SPOCK3: variants seen among roughly 807,000 people sequenced by gnomAD.
The protein encoded by SPOCK3 is testican-3.
Under a neutral mutation model 56.6 loss-of-function variants are expected in SPOCK3, and 30 were observed. That is an observed-to-expected ratio of 0.53 (90% CI 0.40 to 0.72). The LOEUF (loss-of-function observed/expected upper bound fraction) is 0.72. Ranked by LOEUF, SPOCK3 falls within the 30% of genes least tolerant of loss-of-function variation. SPOCK3 has a pLI of 0.00. For synonymous variants in SPOCK3, 196 were observed against 183.3 expected, an observed-to-expected ratio of 1.07 and a Z score of -0.56; for missense variants, 527 against 530.0, an observed-to-expected ratio of 0.99 and a Z score of 0.06.
At position 166,820,143 on chromosome 4, in the gene SPOCK3, T is replaced by A. The variant is rs984004027; in HGVS notation, c.590-27854A>T. ...CAAGCAAGTTGACTAATTAAAACAG[T>A]GAACAGCATACTGACTATAGTTAAT... is the stretch of plus-strand genomic sequence containing the variant. On this transcript the variant is annotated intron_variant, in intron 6 of 10. Coordinates refer to ENST00000357545, the MANE Select transcript of SPOCK3 (RefSeq NM_001040159.2). Among the ~76,000 whole-genome samples the A allele has an allele frequency of 3.9e-5, 6 of 152,050 alleles. No homozygotes were observed. The South Asian group carries it at 1.0e-3, about 26-fold the overall frequency.
At chr4:166,891,790 C>T (rs1232741459) in intron 5 of SPOCK3, among the ~76,000 whole-genome samples, 1 of 151,902 alleles carries the variant, frequency 6.6e-6, no homozygotes, top group East Asian at 1.9e-4. Context: ...TATAATAATT[C>T]TGATTCATGA....
At chr4:167,030,163 C>T (rs190341897) in intron 3 of SPOCK3, among the ~76,000 whole-genome samples, 544 of 151,384 alleles carry the variant, frequency 3.6e-3, no homozygotes, top group Admixed American at 5.6e-3. Context: ...AACTATCCAT[C>T]CATCTAGAAA....
intron 7 of SPOCK3, among the ~76,000 whole-genome samples, chr4:166,775,733 C>G (rs144782687): frequency 0.012 from 1,857 of 152,250 alleles, 17 homozygotes; most frequent in Non-Finnish European, 0.019. Flanking sequence ...TGAAAAAGGT[C>G]TATTCACTGT....
chr4:166,800,208 G>GAAAAAAAAAAAAAAAAAAAAAAAAAAAA (rs1207796263), intron 6 of SPOCK3, among the ~76,000 whole-genome samples: 37 of 113,014 alleles, frequency 3.3e-4, no homozygotes, highest in African/African-American at 1.1e-3. Flanking sequence ...AAAAAAAAAT[G>GAAAAAAAAAAAAAAAAAAAAAAAAAAAA]AAAACATGGA....
intron 2 of SPOCK3, among the ~76,000 whole-genome samples, chr4:167,218,656 T>C (rs1299844972): frequency 6.6e-6 from 1 of 152,156 alleles, no homozygotes; most frequent in African/African-American, 2.4e-5. Flanking sequence ...GGATATTTTT[T>C]CCTATCTTGA....
intron 2 of SPOCK3, among the ~76,000 whole-genome samples, chr4:167,199,608 G>A (rs1218267949): frequency 6.6e-6 from 1 of 151,456 alleles, no homozygotes; most frequent in Admixed American, 6.6e-5. Context: ...TCTCACAGAT[G>A]TTTGCAAGAA....
At chr4:166,783,221 T>C (rs956817132) in intron 7 of SPOCK3, among the ~76,000 whole-genome samples, 7 of 152,070 alleles carry the variant, frequency 4.6e-5, no homozygotes, top group African/African-American at 1.7e-4. Flanking sequence ...TAGCCAGGCA[T>C]GGTGGCACAT....
At chr4:166,828,989 T>A (rs1745755556) in intron 6 of SPOCK3, among the ~76,000 whole-genome samples, 1 of 152,008 alleles carries the variant, frequency 6.6e-6, no homozygotes, top group Non-Finnish European at 1.5e-5. Context: ...TCTGAAATAT[T>A]GAAAATCTTC....
chr4:167,188,987 T>C lies in SPOCK3; in HGVS notation c.189+44998A>G, dbSNP rs995944896. On this transcript the variant is annotated intron_variant, in intron 2 of 10. Transcript: ENST00000357545. ...TCACAGAGAAAACTCCAGGCTTCAC[T>C]GTTGAAGTCCGTCAAACATTTCAGA... Among the ~76,000 whole-genome samples the C allele has an allele frequency of 7.5e-5, 11 of 146,492 alleles. 2 individuals are homozygous for C. In the East Asian group the frequency reaches 2.3e-3, roughly 30 times the overall value.
chr4:167,209,621 C>T (rs547710846), intron 2 of SPOCK3, among the ~76,000 whole-genome samples: 8 of 152,128 alleles, frequency 5.3e-5, no homozygotes, highest in South Asian at 4.1e-4. Context: ...CATTTTCTCA[C>T]TTAAATAGCC....
intron 3 of SPOCK3, among the ~76,000 whole-genome samples, chr4:167,019,533 T>A (rs1371062009): frequency 6.6e-6 from 1 of 151,748 alleles, no homozygotes; most frequent in Non-Finnish European, 1.5e-5. Context: ...ATATTTTACA[T>A]GTTACTTGTT....
intron 3 of SPOCK3, among the ~76,000 whole-genome samples, chr4:167,045,744 T>C (rs1753655233): frequency 6.6e-6 from 1 of 152,122 alleles, no homozygotes; most frequent in African/African-American, 2.4e-5. Context: ...CTGTCATTCA[T>C]TTCATCTATA....
chr4:166,801,219 T>A (rs1281744752), intron 6 of SPOCK3, among the ~76,000 whole-genome samples: 1 of 152,080 alleles, frequency 6.6e-6, no homozygotes, highest in Non-Finnish European at 1.5e-5. Context: ...AACATGGGGG[T>A]ATCAGCTTCT....
At chr4:167,207,321 A>T (rs943964358) in intron 2 of SPOCK3, among the ~76,000 whole-genome samples, 18 of 151,980 alleles carry the variant, frequency 1.2e-4, no homozygotes, top group African/African-American at 4.1e-4. Context: ...CAATACTACG[A>T]CTCTCAGAGT....
chr4:167,013,543 A>C (rs2150148984), intron 3 of SPOCK3, among the ~76,000 whole-genome samples: 1 of 151,248 alleles, frequency 6.6e-6, no homozygotes, highest in East Asian at 1.9e-4. Flanking sequence ...TTGTATTATA[A>C]AATATTATCA....
At chr4:167,185,949 A>G (rs1731913535) in intron 2 of SPOCK3, among the ~76,000 whole-genome samples, 1 of 152,210 alleles carries the variant, frequency 6.6e-6, no homozygotes, top group East Asian at 1.9e-4. Flanking sequence ...ACTATTTCCA[A>G]ACTGCATATG....
chr4:166,882,451 G>C (rs755176951), intron 6 of SPOCK3, among the ~76,000 whole-genome samples: 2 of 152,144 alleles, frequency 1.3e-5, no homozygotes, highest in Non-Finnish European at 2.9e-5. Flanking sequence ...GTTCAAACCT[G>C]TTAAATATTT....
chr4:167,005,519 A>G (rs568849388), intron 3 of SPOCK3, among the ~76,000 whole-genome samples: 31 of 152,056 alleles, frequency 2.0e-4, no homozygotes, highest in African/African-American at 6.8e-4. Context: ...AGACTGGACA[A>G]TGATTTTCTT....
chr4:166,821,333 C>T (rs1008920354), intron 6 of SPOCK3, among the ~76,000 whole-genome samples: 8 of 152,026 alleles, frequency 5.3e-5, no homozygotes, highest in African/African-American at 1.9e-4. Flanking sequence ...CTCTCATACA[C>T]TGCTGGTGAA....
Sources: gnomAD v4.1 joint callset for allele counts (sites outside exome capture counted in the v4.1 genomes callset) on GRCh38, gnomAD v4.1.1 for gene constraint, MANE v1.5 for transcripts, NCBI Gene and HGNC (gene_info 2026-07-23, HGNC 2026-07-21) for gene names.